The following NDUFAF6 variants were observed in gnomAD, a reference collection of about 807,000 sequenced individuals.
The protein encoded by NDUFAF6 is NADH dehydrogenase (ubiquinone) complex I, assembly factor 6.
In NDUFAF6, 45 loss-of-function variants were observed where a neutral mutation model predicts 40.8. The ratio of observed to expected loss-of-function variants is 1.10; its 90% CI spans 0.87 to 1.42. The LOEUF is 1.42. Among genes scored for constraint, NDUFAF6 ranks in the 40% most tolerant of loss-of-function variants. The pLI, the probability that NDUFAF6 is intolerant of heterozygous loss-of-function variation, is 0.00. For synonymous variants in NDUFAF6, 185 were observed against 155.9 expected (o/e 1.19, Z -1.39); for missense variants, 435 against 418.5 (o/e 1.04, Z -0.34).
At chr8:94,927,437 G>A (rs1466567114) in intron 1 of NDUFAF6, 4 of 152,140 alleles carry the variant, frequency 2.6e-5, no homozygotes. Context: ...AACAGAGAAG[G>A]TATGTAAACA....
chr8:95,021,192 G>T (rs1474227277), upstream of NDUFAF6, among the ~76,000 whole-genome samples: 1 of 152,176 alleles, frequency 6.6e-6, no homozygotes, highest in Non-Finnish European at 1.5e-5. Flanking sequence ...TGCCAGGACT[G>T]TCCTCTGTGT....
chr8:94,985,504 TATATATATA>T (rs1563770849), intron 2 of NDUFAF6, among the ~76,000 whole-genome samples: 3 of 7,934 alleles, frequency 3.8e-4, no homozygotes, highest in African/African-American at 6.6e-4. Flanking sequence ...TATATATATA[TATATATATA>T]TATTTTTTTT....
At chr8:95,070,799 TCTTTG>T (rs1263970818) in intron 9 of NDUFAF6, among the ~76,000 whole-genome samples, 1 of 152,206 alleles carries the variant, frequency 6.6e-6, no homozygotes, top group Non-Finnish European at 1.5e-5. Context: ...CTTCTATGGG[TCTTTG>T]CTTTGCAATT....
At chr8:95,022,537 C>A (rs781736010), upstream of NDUFAF6, among the ~76,000 whole-genome samples, 1 of 146,482 alleles carries the variant, frequency 6.8e-6, no homozygotes, top group Non-Finnish European at 1.5e-5. Flanking sequence ...AAGACAACTA[C>A]TAGATATAAA....
At chr8:95,110,506 G>T (rs1474599449) in intron 4 of NDUFAF6, among the ~76,000 whole-genome samples, 1 of 152,136 alleles carries the variant, frequency 6.6e-6, no homozygotes, top group Non-Finnish European at 1.5e-5. Flanking sequence ...TATTCTAAGT[G>T]CTTTCTATAG....
intron 4 of NDUFAF6, among the ~76,000 whole-genome samples, chr8:95,108,528 G>C (rs1347722510): frequency 2.0e-5 from 3 of 152,128 alleles, no homozygotes; most frequent in African/African-American, 7.2e-5. Flanking sequence ...ACAAAAAGTA[G>C]AACAGTGCTT....
At chr8:94,989,841 A>G (rs1181681106) in intron 2 of NDUFAF6, among the ~76,000 whole-genome samples, 2 of 152,082 alleles carry the variant, frequency 1.3e-5, no homozygotes, top group African/African-American at 2.4e-5. Flanking sequence ...ATCCTCCTAC[A>G]TCAGCCTCCT....
chr8:95,089,458 G>GAA (rs1554690715), intron 2 of NDUFAF6, among the ~76,000 whole-genome samples: 38 of 125,842 alleles, frequency 3.0e-4, no homozygotes, highest in Admixed American at 9.3e-4. Context: ...AGTGTAAACT[G>GAA]TGTGTATATA....
At chr8:94,989,136 C>T (rs1360487607) in intron 2 of NDUFAF6, 2 of 151,868 alleles carry the variant, frequency 1.3e-5, no homozygotes, top group Non-Finnish European at 2.9e-5. Flanking sequence ...GAATTGTATG[C>T]TATGTGAATT....
intron 2 of NDUFAF6, among the ~76,000 whole-genome samples, chr8:95,014,291 G>A (rs1402402472): frequency 6.6e-6 from 1 of 152,208 alleles, no homozygotes; most frequent in Non-Finnish European, 1.5e-5. Context: ...ACTGAATTGT[G>A]TCAAACAGTT....
chr8:95,064,092 G>A (rs571385404), intron 9 of NDUFAF6, among the ~76,000 whole-genome samples: 21 of 131,852 alleles, frequency 1.6e-4, no homozygotes, highest in Middle Eastern at 4.5e-3. Context: ...GGGTTTCACC[G>A]TGTTAGCCAG....
intron 2 of NDUFAF6, among the ~76,000 whole-genome samples, chr8:94,952,949 A>G (rs1822749859): frequency 6.6e-6 from 1 of 152,238 alleles, no homozygotes; most frequent in Non-Finnish European, 1.5e-5. Flanking sequence ...ATTGTAACTA[A>G]TGATCGCTTC....
At chr8:95,041,213 C>T (rs1830109917) in intron 3 of NDUFAF6, among the ~76,000 whole-genome samples, 10 of 151,890 alleles carry the variant, frequency 6.6e-5, no homozygotes, top group Admixed American at 6.6e-4. Context: ...GACCCTGTCT[C>T]TACAATTTAA....
At chr8:94,978,149 C>T (rs994266917) in intron 1 of NDUFAF6, among the ~76,000 whole-genome samples, 4 of 152,112 alleles carry the variant, frequency 2.6e-5, no homozygotes, top group African/African-American at 9.7e-5. Flanking sequence ...GCAGAAAGAC[C>T]AAGCCATGAT....
intron 2 of NDUFAF6, among the ~76,000 whole-genome samples, chr8:94,994,401 C>A (rs187257255): frequency 0.01 from 1,535 of 151,952 alleles, 27 homozygotes; most frequent in African/African-American, 0.035. Flanking sequence ...AAATACAAAA[C>A]TTAGCTGGGC....
chr8:94,914,103 C>CTTTTTTTTT (rs563687562), intron 1 of NDUFAF6, among the ~76,000 whole-genome samples: 8 of 98,186 alleles, frequency 8.1e-5, no homozygotes, highest in African/African-American at 1.6e-4. Context: ...GACCTTATCT[C>CTTTTTTTTT]TTTTTTTTTT....
intron 1 of NDUFAF6, among the ~76,000 whole-genome samples, chr8:94,973,398 C>T (rs980999745): frequency 6.6e-6 from 1 of 152,120 alleles, no homozygotes; most frequent in East Asian, 1.9e-4. Flanking sequence ...TGAGAAGATG[C>T]CCAACTATGA....
At chr8:94,992,395 G>C (rs1826234627) in intron 2 of NDUFAF6, among the ~76,000 whole-genome samples, 1 of 152,114 alleles carries the variant, frequency 6.6e-6, no homozygotes, top group Non-Finnish European at 1.5e-5. Context: ...GCTGAGGCAA[G>C]AGAATCACTT....
rs188707974 is a variant in NDUFAF6 at position 95,085,270 on chromosome 8, T to G, written n.213+9518T>G. On this transcript the variant is annotated intron_variant and non_coding_transcript_variant, in intron 2 of 5. Transcript: ENST00000523184. The stretch of plus-strand genomic sequence containing the variant: ...ATTCAAGATGAGAAAAGTTAGACCT[T>G]GATCTAAGTTCAAAAACTTTAACTA... Among the ~76,000 whole-genome samples, 5 of 152,304 alleles carry G rather than the reference T, an allele frequency of 3.3e-5. No homozygotes were observed. In the East Asian group the frequency reaches 9.6e-4, roughly 29 times the overall value.
Sources: allele counts gnomAD v4.1 joint callset (sites outside exome capture counted in the v4.1 genomes callset), GRCh38; gene constraint gnomAD v4.1.1; transcripts MANE v1.5; gene names NCBI Gene and HGNC (gene_info 2026-07-23, HGNC 2026-07-21).